CD96: variants seen among roughly 807,000 people sequenced by gnomAD.
CD96 encodes the protein CD96 molecule.
Under a neutral mutation model 71.3 loss-of-function variants are expected in CD96, and 70 were observed. The ratio of observed to expected loss-of-function variants is 0.98; its 90% confidence interval spans 0.81 to 1.20. CD96 has a LOEUF of 1.20. CD96 is among the 50% of genes most tolerant of loss of function. The pLI is 0.00. For missense variants in CD96, 742 were observed against 677.5 expected, an observed-to-expected ratio of 1.10 and a Z score of -1.06; for synonymous variants, 248 against 233.0, an observed-to-expected ratio of 1.06 and a Z score of -0.59.
downstream of CD96, among the ~76,000 whole-genome samples, chr3:111,654,283 T>A (rs531467212): frequency 3.3e-5 from 5 of 152,296 alleles, no homozygotes; most frequent in South Asian, 1.0e-3. Flanking sequence ...ATTTCCCAGC[T>A]CCTGCAAAGG....
intron 8 of CD96, among the ~76,000 whole-genome samples, chr3:111,616,915 C>T (rs1938268955): frequency 6.6e-6 from 1 of 152,176 alleles, no homozygotes. Flanking sequence ...CTGGGAACAC[C>T]CCCGCTTCTG....
chr3:111,597,997 T>C, intron 5 of CD96, 123 bp from the exon 6 acceptor site: 1 of 711,998 alleles, frequency 1.4e-6, no homozygotes, highest in Non-Finnish European at 2.6e-6. Flanking sequence ...GACATTGCCT[T>C]CTATTTATTC....
intron 10 of CD96, among the ~76,000 whole-genome samples, chr3:111,629,449 T>G (rs1938948923): frequency 6.6e-6 from 1 of 152,112 alleles, no homozygotes; most frequent in Non-Finnish European, 1.5e-5. Flanking sequence ...AATGGTTCAA[T>G]TCAACAAGAA....
At chr3:111,632,608 C>T (rs1939123887) in intron 10 of CD96, among the ~76,000 whole-genome samples, 1 of 152,288 alleles carries the variant, frequency 6.6e-6, no homozygotes, top group East Asian at 1.9e-4. Flanking sequence ...CCCAGCAATC[C>T]CATTACTGAG....
At chr3:111,623,904 G>C in intron 9 of CD96, 82 bp downstream of exon 9, 1 of 926,862 alleles carries the variant, frequency 1.1e-6, no homozygotes, top group Non-Finnish European at 1.8e-6. Context: ...TAATGTTGAC[G>C]TTTCAGCAAA....
chr3:111,551,365 AG>A (rs1425694838), intron 2 of CD96, among the ~76,000 whole-genome samples: 2 of 152,156 alleles, frequency 1.3e-5, no homozygotes, highest in Non-Finnish European at 2.9e-5. Flanking sequence ...AGGTTATGTC[AG>A]GTTTGGGGCT....
At chr3:111,563,459 T>G (rs1167702945) in intron 2 of CD96, among the ~76,000 whole-genome samples, 1 of 152,222 alleles carries the variant, frequency 6.6e-6, no homozygotes, top group Non-Finnish European at 1.5e-5. Context: ...GAGAAGGGAA[T>G]GGATGGAGCT....
chr3:111,646,370 C>T lies in CD96; in HGVS notation c.1478-1173C>T, dbSNP rs75757381. 3.7e-3 allele frequency among the ~76,000 whole-genome samples: 564 copies of T among 151,896 alleles called. 2 individuals are homozygous for T. Among genetic ancestry groups the T allele is most frequent in the African/African-American group, 0.013 (536 of 41,466 alleles). ...AAGAGGCCAGGTGTATGTCTTTTGGCCTCTTATTCTTAAAAAAACATGTAA... is the reference window on the plus strand; with the variant it reads ...AAGAGGCCAGGTGTATGTCTTTTGGTCTCTTATTCTTAAAAAAACATGTAA... On this transcript the variant is annotated intron_variant, in intron 12 of 13. Coordinates refer to ENST00000352690, the MANE Select transcript of CD96 (RefSeq NM_005816.5).
chr3:111,615,032 C>T (rs917318308), intron 8 of CD96, among the ~76,000 whole-genome samples: 1 of 152,218 alleles, frequency 6.6e-6, no homozygotes, highest in East Asian at 1.9e-4. Flanking sequence ...CACTGCCTCG[C>T]ATGTCCTGCA....
At chr3:111,550,490 G>T (rs576985839) in intron 2 of CD96, among the ~76,000 whole-genome samples, 1 of 152,102 alleles carries the variant, frequency 6.6e-6, no homozygotes, top group African/African-American at 2.4e-5. Context: ...GTTGAAAAAG[G>T]GTAGTTAAAT....
intron 2 of CD96, among the ~76,000 whole-genome samples, chr3:111,556,386 G>C (rs1328099516): frequency 9.1e-6 from 1 of 110,426 alleles, no homozygotes; most frequent in Non-Finnish European, 1.8e-5. Context: ...CCCAGAGTGT[G>C]ATATTCCCCT....
chr3:111,616,855 A>G (rs1245636125), intron 8 of CD96, among the ~76,000 whole-genome samples: 1 of 152,118 alleles, frequency 6.6e-6, no homozygotes, highest in Non-Finnish European at 1.5e-5. Context: ...GGGCAGCTGC[A>G]GCCACCCAGC....
At chr3:111,664,625 A>C (rs1940437704) in intron 14 of CD96, among the ~76,000 whole-genome samples, 1 of 152,228 alleles carries the variant, frequency 6.6e-6, no homozygotes, top group Non-Finnish European at 1.5e-5. Context: ...ATCCTCATGC[A>C]ACTTGTACAT....
chr3:111,582,662 C>T (rs1936520979), intron 4 of CD96, among the ~76,000 whole-genome samples: 1 of 152,154 alleles, frequency 6.6e-6, no homozygotes, highest in African/African-American at 2.4e-5. Context: ...GCTGGGGAGG[C>T]CTCAGAATCA....
Position 111,638,106 on chromosome 3 carries a change from C to T in CD96, c.1415C>T (p.Ala472Val), listed in dbSNP as rs1347253381. 6.2e-7 allele frequency: 1 copy of T among 1,609,452 alleles called. No individual in the cohort carries two copies. The highest frequency in any genetic ancestry group is 8.5e-7 in the Non-Finnish European group (1 of 1,175,906). Reference sequence around the variant, plus strand: ...AATGTCTTTACCAGCACAGCCAGAGCATTTTCAGAAGTCCCCACAACTGCC... The same window carrying T: ...AATGTCTTTACCAGCACAGCCAGAGTATTTTCAGAAGTCCCCACAACTGCC... ...HDNVFTSTAR[A>V]FSEVPTTANG... The change falls in exon 12 of 14, where the codon GCA becomes GTA. Residue 472 changes from alanine to valine, a missense_variant. Physicochemically the swap from Ala to Val is moderately conservative, Grantham distance 64 (BLOSUM62 0). Transcript: ENST00000352690.
At chr3:111,615,584 G>C (rs1276176961) in intron 8 of CD96, among the ~76,000 whole-genome samples, 1 of 152,140 alleles carries the variant, frequency 6.6e-6, no homozygotes, top group Non-Finnish European at 1.5e-5. Flanking sequence ...TGTCTAAGGG[G>C]TGTGTGTGTA....
chr3:111,609,120 G>A (rs1025487517), intron 8 of CD96, among the ~76,000 whole-genome samples: 10 of 152,070 alleles, frequency 6.6e-5, no homozygotes, highest in African/African-American at 1.7e-4. Flanking sequence ...TCGAAAGAAC[G>A]TTCTAAACAG....
intron 3 of CD96, among the ~76,000 whole-genome samples, chr3:111,573,820 A>G (rs1936098740): frequency 6.6e-6 from 1 of 152,180 alleles, no homozygotes; most frequent in Admixed American, 6.5e-5. Flanking sequence ...AATGTTTGTT[A>G]TGCTTATGGA....
At chr3:111,551,316 G>A (rs879634164) in intron 2 of CD96, among the ~76,000 whole-genome samples, 1 of 152,144 alleles carries the variant, frequency 6.6e-6, no homozygotes, top group Non-Finnish European at 1.5e-5. Flanking sequence ...GAGAGTCCAG[G>A]TATTGGAGAA....
Sources: allele counts gnomAD v4.1 joint callset (sites outside exome capture counted in the v4.1 genomes callset), GRCh38; gene constraint gnomAD v4.1.1; transcripts MANE v1.5; gene names NCBI Gene and HGNC (gene_info 2026-07-23, HGNC 2026-07-21).